Variants in NRG2 observed in about 807,000 individuals in gnomAD.
The protein encoded by NRG2 is neuregulin 2.
In NRG2, 27 loss-of-function variants were observed where a neutral mutation model predicts 73.9. The observed-to-expected ratio is 0.37, with a 90% CI of 0.27 to 0.50. The LOEUF (loss-of-function observed/expected upper bound fraction) is 0.50. NRG2 is among the 20% of genes least tolerant of loss of function. The probability of loss-of-function intolerance (pLI) is 0.96; values close to 1 mark genes in which losing one functional copy is unlikely to be tolerated. For synonymous variants in NRG2, 532 were observed against 541.0 expected, an observed-to-expected ratio of 0.98 and a Z score of 0.23; for missense variants, 1,126 against 1,210.1, an observed-to-expected ratio of 0.93 and a Z score of 1.03.
intron 1 of NRG2, among the ~76,000 whole-genome samples, chr5:140,037,907 CA>C (rs748112690): frequency 0.01 from 606 of 58,998 alleles, 4 homozygotes; most frequent in Middle Eastern, 0.034. Flanking sequence ...GACTCCATCT[CA>C]AAAAAAAAAA....
intron 1 of NRG2, among the ~76,000 whole-genome samples, chr5:139,985,146 C>G (rs1362775615): frequency 6.6e-6 from 1 of 151,890 alleles, no homozygotes; most frequent in Non-Finnish European, 1.5e-5. Context: ...TTGAGACCAG[C>G]CTGGCCAACA....
intron 1 of NRG2, among the ~76,000 whole-genome samples, chr5:140,007,371 A>G (rs1411873138): frequency 6.6e-6 from 1 of 152,048 alleles, no homozygotes; most frequent in African/African-American, 2.4e-5. Context: ...TTTATTACTT[A>G]TATTAAGCAG....
chr5:139,958,029 G>A (rs564873536), intron 1 of NRG2, among the ~76,000 whole-genome samples: 5 of 152,164 alleles, frequency 3.3e-5, no homozygotes, highest in African/African-American at 1.2e-4. Flanking sequence ...TGGACACGTT[G>A]GCTAGGACTG....
At chr5:139,988,750 C>A (rs1757360710) in intron 1 of NRG2, among the ~76,000 whole-genome samples, 2 of 151,872 alleles carry the variant, frequency 1.3e-5, no homozygotes, top group Admixed American at 1.3e-4. Flanking sequence ...AGAATGTACA[C>A]CACCAAGAGT....
Position 139,853,100 on chromosome 5 carries a change from C to G in NRG2, c.1293-73G>C. On this transcript the variant is annotated intron_variant, in intron 6 of 9. Coordinates refer to ENST00000361474, the MANE Select transcript of NRG2 (RefSeq NM_004883.3). The surrounding 1 kb of genome is among the most constrained non-coding windows in gnomAD (Gnocchi z 4.1). ...ACGATGAACTTCCCTAGCTATCTCT[C>G]TAGGGAAACAGCTTTTCCTCCTGCC... 6.3e-7 allele frequency: 1 copy of G among 1,591,540 alleles called. No individual in the cohort carries two copies. The highest frequency in any genetic ancestry group is 8.5e-7 in the Non-Finnish European group (1 of 1,169,926).
intron 1 of NRG2, among the ~76,000 whole-genome samples, chr5:139,928,969 C>G (rs935308002): frequency 1.8e-4 from 28 of 152,202 alleles, no homozygotes; most frequent in African/African-American, 6.8e-4. Flanking sequence ...AGCAAGCCTT[C>G]CAGCATCTCC....
intron 1 of NRG2, among the ~76,000 whole-genome samples, chr5:139,935,958 T>TAAAA (rs554574182): frequency 4.0e-4 from 49 of 122,258 alleles, no homozygotes; most frequent in South Asian, 1.3e-3. Context: ...GACTCTGTCT[T>TAAAA]AAAAAAAAAA....
At chr5:139,914,612 C>A (rs1487200178) in intron 1 of NRG2, among the ~76,000 whole-genome samples, 1 of 152,236 alleles carries the variant, frequency 6.6e-6, no homozygotes, top group Non-Finnish European at 1.5e-5. Flanking sequence ...TGTATACATA[C>A]CTCATAGCCT....
chr5:139,886,408 A>C (rs971427542), intron 2 of NRG2, among the ~76,000 whole-genome samples: 13 of 152,066 alleles, frequency 8.5e-5, no homozygotes, highest in Admixed American at 4.6e-4. Context: ...TGTGCTCTAA[A>C]ACCATCCTAA....
chr5:139,887,590 A>T lies in NRG2; in HGVS notation c.701-79T>A. ...GCATGAGTAGTGGAGAGTAAGGGCC[A>T]CTGTCTTTGGGCTGGAACTGGGGAA... On this transcript the variant is annotated intron_variant, in intron 1 of 9. Coordinates refer to ENST00000361474, the MANE Select transcript of NRG2 (RefSeq NM_004883.3). This position sits in a 1 kb window ranked among gnomAD's most constrained non-coding sequence, Gnocchi z 4.5. The T allele has an allele frequency of 1.5e-6, 2 of 1,351,722 alleles. No homozygotes were observed. The highest frequency in any genetic ancestry group is 2.1e-6 in the Non-Finnish European group (2 of 964,998). The allele number at this position is 1,351,722 out of a possible 1,614,324, so 83.7% of individuals were successfully genotyped here. A position where few individuals can be genotyped will look rare whatever the true frequency, so the allele number is the denominator to read the frequency against.
At chr5:139,902,501 C>G (rs1345708) in intron 1 of NRG2, among the ~76,000 whole-genome samples, 56,123 of 152,000 alleles carry the variant, frequency 0.37, 12,688 homozygotes, top group East Asian at 0.55. Flanking sequence ...CTCCCACTTT[C>G]CAGATTCCCA....
In NRG2 at chr5:140,042,593, C is replaced by G. The variant is rs759675353; in HGVS notation, c.477G>C (p.Ala159=). ...GCCACTTGTCCAGCACCTTTACCAA[C>G]GCCACCCGACCCGAGGCGGGCGGCT... ...TREPPASGRV[A]LVKVLDKWPL... The change falls in exon 1 of 10, where the codon GCG becomes GCC. Residue 159 remains alanine (A), a synonymous_variant. Coordinates refer to ENST00000361474, the MANE Select transcript of NRG2 (RefSeq NM_004883.3). 3 of 1,612,388 alleles carry G rather than the reference C, an allele frequency of 1.9e-6. No homozygotes were observed. In the East Asian group the frequency reaches 6.7e-5, roughly 36 times the overall value.
chr5:140,042,881 T>C lies in NRG2; in HGVS notation c.189A>G (p.Pro63=). ...GCGGCTGTTGCTGCGGCCGCGGCTC[T>C]GGGGGCGCAGCGGGACGAGAGATGC... ...NSSISRPAAP[P]EPRPQQQPQP... Residue 63 remains proline, a synonymous_variant, in exon 1 of 10, where the codon CCA becomes CCG. Coordinates refer to ENST00000361474, the MANE Select transcript of NRG2 (RefSeq NM_004883.3). 1 of 1,518,540 alleles carries C rather than the reference T, an allele frequency of 6.6e-7. No homozygotes were observed. The highest frequency in any genetic ancestry group is 2.0e-4 in the Middle Eastern group (1 of 4,990). 94.1% of individuals were successfully genotyped at this position (1,518,540 alleles called of 1,614,324 possible). A position where few individuals can be genotyped will look rare whatever the true frequency, so the allele number is the denominator to read the frequency against.
At chr5:139,990,285 ATTTTATT>A (rs897817510) in intron 1 of NRG2, among the ~76,000 whole-genome samples, 4 of 149,730 alleles carry the variant, frequency 2.7e-5, no homozygotes, top group Non-Finnish European at 5.9e-5. Context: ...ATTTTATTTT[ATTTTATT>A]TTATTTTATT....
At chr5:139,861,751 G>T (rs1762160167) in intron 5 of NRG2, 2 of 517,094 alleles carry the variant, frequency 3.9e-6, no homozygotes, top group Non-Finnish European at 7.7e-6. Flanking sequence ...GTACAAACTT[G>T]ACAATTCTCA....
chr5:139,962,623 TC>T (rs1755163337), intron 1 of NRG2, among the ~76,000 whole-genome samples: 1 of 152,136 alleles, frequency 6.6e-6, no homozygotes, highest in Non-Finnish European at 1.5e-5. Context: ...TCACAGGAAG[TC>T]CTGTGAAGTT....
At chr5:140,028,349 T>TAA (rs1280128351) in intron 1 of NRG2, among the ~76,000 whole-genome samples, 1 of 152,212 alleles carries the variant, frequency 6.6e-6, no homozygotes, top group Non-Finnish European at 1.5e-5. Flanking sequence ...AAGAAAAAAA[T>TAA]AAAAATAGTC....
chr5:139,867,593 G>C (rs1311181847), intron 4 of NRG2, among the ~76,000 whole-genome samples: 2 of 152,150 alleles, frequency 1.3e-5, no homozygotes, highest in Admixed American at 1.3e-4. Context: ...ACTTGTGATG[G>C]GGACTAGAGA....
In NRG2 at chr5:139,904,883, C is replaced by T. The variant is rs575275234; in HGVS notation, c.701-17372G>A. Among the ~76,000 whole-genome samples, 2 of 152,334 alleles carry T rather than the reference C, an allele frequency of 1.3e-5. No homozygotes were observed. The highest frequency in any genetic ancestry group is 3.9e-4 in the East Asian group (2 of 5,172). ...GGGTAGCGAGCACCCTTGGCTCTTG[C>T]GGTGGGTCTCCACAACCTCGAGGCA... On this transcript the variant is annotated intron_variant, in intron 1 of 9. Transcript: ENST00000361474. This position sits in a 1 kb window ranked among gnomAD's most constrained non-coding sequence, Gnocchi z 6.0.
Sources: allele counts gnomAD v4.1 joint callset (sites outside exome capture counted in the v4.1 genomes callset), GRCh38; gene constraint gnomAD v4.1.1; non-coding constraint Gnocchi (gnomAD v3.1); transcripts MANE v1.5; gene names NCBI Gene and HGNC (gene_info 2026-07-23, HGNC 2026-07-21).